CNTNAP2: variants seen among roughly 807,000 people sequenced by gnomAD.
The protein encoded by CNTNAP2 is contactin-associated protein-like 2.
In CNTNAP2, 98 loss-of-function variants were observed where a neutral mutation model predicts 155.2. The ratio of observed to expected loss-of-function variants is 0.63; its 90% CI spans 0.54 to 0.75. CNTNAP2 has a LOEUF of 0.75. Ranked by LOEUF, CNTNAP2 falls within the 30% of genes least tolerant of loss-of-function variation. The pLI is 0.00. For missense variants in CNTNAP2, 1,727 were observed against 1,688.1 expected, an observed-to-expected ratio of 1.02 and a Z score of -0.40; for synonymous variants, 651 against 631.2, an observed-to-expected ratio of 1.03 and a Z score of -0.47.
chr7:146,934,260 C>T (rs1796857366), intron 3 of CNTNAP2, among the ~76,000 whole-genome samples: 1 of 152,012 alleles, frequency 6.6e-6, no homozygotes, highest in South Asian at 2.1e-4. Flanking sequence ...ACTATGCAGC[C>T]ATAAGAAATG....
chr7:147,467,288 T>C (rs1332176162), intron 10 of CNTNAP2, among the ~76,000 whole-genome samples: 1 of 152,252 alleles, frequency 6.6e-6, no homozygotes, highest in African/African-American at 2.4e-5. Flanking sequence ...GTTCTATATT[T>C]AAGTAACTGT....
intron 1 of CNTNAP2, among the ~76,000 whole-genome samples, chr7:146,221,294 A>G (rs1018360212): frequency 2.0e-5 from 3 of 152,186 alleles, no homozygotes; most frequent in Non-Finnish European, 2.9e-5. Context: ...GCAACAATAT[A>G]TACTGCAACA....
At chr7:146,835,445 T>C (rs962502636) in intron 2 of CNTNAP2, among the ~76,000 whole-genome samples, 1 of 152,116 alleles carries the variant, frequency 6.6e-6, no homozygotes, top group African/African-American at 2.4e-5. Flanking sequence ...ATCTAACAGG[T>C]AAGAAAATAT....
chr7:147,257,755 G>A (rs533048891), intron 8 of CNTNAP2, among the ~76,000 whole-genome samples: 28 of 152,192 alleles, frequency 1.8e-4, no homozygotes, highest in Non-Finnish European at 3.4e-4. Flanking sequence ...CATGGAGGGT[G>A]ATAATGAAAA....
At chr7:146,856,404 C>T (rs553321366) in intron 3 of CNTNAP2, among the ~76,000 whole-genome samples, 20 of 151,938 alleles carry the variant, frequency 1.3e-4, no homozygotes, top group East Asian at 1.9e-4. Flanking sequence ...TAGTAGAATA[C>T]GAACTTCTGA....
intron 16 of CNTNAP2, chr7:148,133,800 GT>G (rs1422201490): frequency 3.3e-5 from 5 of 152,158 alleles, no homozygotes; most frequent in African/African-American, 1.2e-4. Flanking sequence ...TCTGTGAATG[GT>G]TAGTGGTCTC....
intron 14 of CNTNAP2, among the ~76,000 whole-genome samples, chr7:147,929,289 T>G (rs1056895962): frequency 3.3e-5 from 5 of 151,986 alleles, no homozygotes; most frequent in Non-Finnish European, 5.9e-5. Context: ...ATTATTCACA[T>G]AAATATTTAA....
At chr7:146,412,776 A>C (rs1359617444) in intron 1 of CNTNAP2, among the ~76,000 whole-genome samples, 1 of 152,228 alleles carries the variant, frequency 6.6e-6, no homozygotes, top group African/African-American at 2.4e-5. Context: ...GCAGTTTAGA[A>C]AGCTGGCAAA....
chr7:148,337,625 T>G (rs542944205), intron 21 of CNTNAP2, among the ~76,000 whole-genome samples: 2 of 152,374 alleles, frequency 1.3e-5, no homozygotes, highest in East Asian at 3.9e-4. Flanking sequence ...CTTTAGAGCT[T>G]TGTTACCAGC....
At chr7:147,186,173 T>C (rs7788081) in intron 8 of CNTNAP2, among the ~76,000 whole-genome samples, 80,931 of 152,004 alleles carry the variant, frequency 0.53, 22,136 homozygotes, top group South Asian at 0.71. Context: ...AAGATGGGAA[T>C]GGAAGGAGAC....
chr7:146,227,446 A>AAAAG (rs1298702628), intron 1 of CNTNAP2, among the ~76,000 whole-genome samples: 1 of 151,286 alleles, frequency 6.6e-6, no homozygotes, highest in East Asian at 1.9e-4. Context: ...AAAAAAAAAA[A>AAAAG]AAAGAAAAAG....
chr7:148,293,092 AT>A (rs374403807), intron 21 of CNTNAP2, among the ~76,000 whole-genome samples: 7,451 of 146,410 alleles, frequency 0.051, 216 homozygotes, highest in African/African-American at 0.058. Context: ...ATAAAATAAA[AT>A]AAATGACCAA....
intron 1 of CNTNAP2, among the ~76,000 whole-genome samples, chr7:146,738,778 G>A (rs1485219586): frequency 6.6e-6 from 1 of 150,692 alleles, no homozygotes; most frequent in Non-Finnish European, 1.5e-5. Context: ...GCTCTTCTTT[G>A]ACGGTAGACA....
chr7:147,328,071 A>T (rs1795493516), intron 9 of CNTNAP2, among the ~76,000 whole-genome samples: 1 of 152,186 alleles, frequency 6.6e-6, no homozygotes, highest in Admixed American at 6.5e-5. Context: ...AATAGAGGTA[A>T]GTTGGGACAA....
intron 13 of CNTNAP2, among the ~76,000 whole-genome samples, chr7:147,730,903 T>C (rs149938018): frequency 1.2e-3 from 178 of 152,234 alleles, no homozygotes; most frequent in African/African-American, 3.9e-3. Flanking sequence ...ATTGCTGATA[T>C]GGAGAAAGTT....
intron 2 of CNTNAP2, among the ~76,000 whole-genome samples, chr7:146,822,569 A>G (rs981353601): frequency 6.6e-6 from 1 of 150,968 alleles, no homozygotes; most frequent in African/African-American, 2.4e-5. Flanking sequence ...GTGTCTGAGT[A>G]TTAAGTATTT....
At chr7:147,243,008 T>TG in intron 8 of CNTNAP2, among the ~76,000 whole-genome samples, 1 of 127,650 alleles carries the variant, frequency 7.8e-6, no homozygotes, top group Non-Finnish European at 1.6e-5. Context: ...TTTTTTTTTT[T>TG]TTTTTTTTGA....
At chr7:147,398,924 C>T (rs1796867497) in intron 10 of CNTNAP2, among the ~76,000 whole-genome samples, 1 of 151,616 alleles carries the variant, frequency 6.6e-6, no homozygotes, top group South Asian at 2.1e-4. Flanking sequence ...AATACTAGAA[C>T]AAAACAAGGA....
chr7:146,983,192 G>A (rs1798051568), intron 3 of CNTNAP2, among the ~76,000 whole-genome samples: 2 of 152,070 alleles, frequency 1.3e-5, no homozygotes, highest in African/African-American at 4.8e-5. Context: ...TCCTAAAAAT[G>A]GCTTTTAAAA....
Sources: gnomAD v4.1 joint callset for allele counts (sites outside exome capture counted in the v4.1 genomes callset) on GRCh38, gnomAD v4.1.1 for gene constraint, MANE v1.5 for transcripts, NCBI Gene and HGNC (gene_info 2026-07-23, HGNC 2026-07-21) for gene names.